Variants in SAMD3 observed in about 807,000 individuals in gnomAD.
The protein encoded by SAMD3 is sterile alpha motif domain-containing protein 3.
SAMD3 carries 63 observed loss-of-function variants against 58.5 expected under a neutral mutation model. The ratio of observed to expected loss-of-function variants is 1.08; its 90% confidence interval spans 0.88 to 1.33. The LOEUF is 1.33. Ranked by LOEUF, SAMD3 falls within the 40% of genes most tolerant of loss-of-function variation. The probability of loss-of-function intolerance (pLI) is 0.00; values close to 1 mark genes in which losing one functional copy is unlikely to be tolerated. For synonymous variants in SAMD3, 220 were observed against 210.3 expected, an observed-to-expected ratio of 1.05 and a Z score of -0.40; for missense variants, 604 against 608.4, an observed-to-expected ratio of 0.99 and a Z score of 0.08.
chr6:130,265,867 A>T (rs548581070), intron 2 of SAMD3, among the ~76,000 whole-genome samples: 57 of 152,366 alleles, frequency 3.7e-4, no homozygotes, highest in African/African-American at 1.4e-3. Context: ...TCTCTTAATT[A>T]AGAAAGAGGC....
chr6:130,322,115 A>G (rs1776605180), intron 1 of SAMD3, among the ~76,000 whole-genome samples: 1 of 152,230 alleles, frequency 6.6e-6, no homozygotes, highest in African/African-American at 2.4e-5. Context: ...TGAGGGTTTA[A>G]CTGAGCCATC....
chr6:130,340,374 C>T (rs893439219), intron 1 of SAMD3, among the ~76,000 whole-genome samples: 9 of 152,132 alleles, frequency 5.9e-5, no homozygotes, highest in Admixed American at 2.6e-4. Flanking sequence ...TCGAATTTTT[C>T]TCTGATTTTG....
chr6:130,267,200 T>C (rs914981921), intron 2 of SAMD3, among the ~76,000 whole-genome samples: 1 of 152,196 alleles, frequency 6.6e-6, no homozygotes, highest in Non-Finnish European at 1.5e-5. Flanking sequence ...CATGTGCCCG[T>C]GCAAGTGTGG....
intron 2 of SAMD3, among the ~76,000 whole-genome samples, chr6:130,228,612 G>C (rs1796452436): frequency 1.3e-5 from 2 of 152,168 alleles, no homozygotes; most frequent in African/African-American, 4.8e-5. Context: ...TGCAGTCAGG[G>C]CTGGGAGCCG....
intron 7 of SAMD3, among the ~76,000 whole-genome samples, chr6:130,178,784 G>A (rs1435052170): frequency 6.6e-6 from 1 of 152,198 alleles, no homozygotes; most frequent in Non-Finnish European, 1.5e-5. Context: ...GAAGATATTT[G>A]TAAACTAAAG....
intron 2 of SAMD3, among the ~76,000 whole-genome samples, chr6:130,292,367 A>G (rs1471089513): frequency 6.8e-6 from 1 of 147,770 alleles, no homozygotes; most frequent in Non-Finnish European, 1.5e-5. Context: ...GCTCACTGCA[A>G]CCTCCACCTC....
intron 2 of SAMD3, among the ~76,000 whole-genome samples, chr6:130,228,282 A>G (rs917473989): frequency 6.6e-6 from 1 of 152,226 alleles, no homozygotes; most frequent in Non-Finnish European, 1.5e-5. Context: ...TGCTGCAGCT[A>G]GAGCTCCTTC....
chr6:130,211,325 C>A (rs1238045112), intron 4 of SAMD3, among the ~76,000 whole-genome samples: 1 of 144,048 alleles, frequency 6.9e-6, no homozygotes, highest in African/African-American at 2.6e-5. Context: ...ACTCTGTCAC[C>A]TAGGCTGGAG....
chr6:130,360,369 AG>A (rs1235733305), intron 1 of SAMD3, among the ~76,000 whole-genome samples: 1 of 152,244 alleles, frequency 6.6e-6, no homozygotes, highest in Non-Finnish European at 1.5e-5. Flanking sequence ...TGAGAAATAA[AG>A]GGACAGAGCA....
chr6:130,169,531 T>C lies in SAMD3; in HGVS notation c.822+6310A>G, dbSNP rs529143816. Among the ~76,000 whole-genome samples, 44 of 152,340 alleles carry C rather than the reference T, an allele frequency of 2.9e-4. No individual in the cohort carries two copies. In the South Asian group the frequency reaches 8.3e-3, roughly 29 times the overall value. ...AATGACCACCCTATCGTCTCTTTTT[T>C]AGCCTTAGCTGGCAGGAAGGTCAAA... On this transcript the variant is annotated intron_variant, in intron 8 of 11. Transcript: ENST00000439090.
chr6:130,186,428 C>T (rs982897069), intron 5 of SAMD3, among the ~76,000 whole-genome samples: 1 of 152,094 alleles, frequency 6.6e-6, no homozygotes, highest in African/African-American at 2.4e-5. Flanking sequence ...CTTTGGCGGT[C>T]CCTACTATAT....
intron 8 of SAMD3, among the ~76,000 whole-genome samples, chr6:130,172,677 A>G (rs1791358198): frequency 6.6e-6 from 1 of 152,010 alleles, no homozygotes. Flanking sequence ...TCTGACAATC[A>G]TGTGTTTTGG....
At chr6:130,321,603 T>C (rs78454862) in intron 1 of SAMD3, among the ~76,000 whole-genome samples, 138 of 152,338 alleles carry the variant, frequency 9.1e-4, no homozygotes, top group African/African-American at 3.2e-3. Flanking sequence ...CCAGTACTCA[T>C]TGTCCTCTTA....
intron 1 of SAMD3, among the ~76,000 whole-genome samples, chr6:130,321,854 T>C (rs926833215): frequency 6.6e-6 from 1 of 152,162 alleles, no homozygotes; most frequent in African/African-American, 2.4e-5. Flanking sequence ...TTTAGCTAGA[T>C]ATATTCTACA....
chr6:130,312,692 T>C (rs1436266475), intron 2 of SAMD3, among the ~76,000 whole-genome samples: 1 of 152,248 alleles, frequency 6.6e-6, no homozygotes, highest in Non-Finnish European at 1.5e-5. Flanking sequence ...ACTTTTTTTC[T>C]TTTAAAATCA....
intron 1 of SAMD3, among the ~76,000 whole-genome samples, chr6:130,350,840 A>T (rs1777633276): frequency 6.6e-6 from 1 of 152,336 alleles, no homozygotes; most frequent in East Asian, 1.9e-4. Context: ...ACAAGGCTAC[A>T]GTAACCAAAA....
At chr6:130,202,120 A>G (rs1240177581) in intron 5 of SAMD3, among the ~76,000 whole-genome samples, 1 of 152,208 alleles carries the variant, frequency 6.6e-6, no homozygotes, top group African/African-American at 2.4e-5. Context: ...CTCTCTAAAG[A>G]CTTAATAATA....
At chr6:130,219,565 A>G (rs1796136227) in intron 1 of SAMD3, among the ~76,000 whole-genome samples, 1 of 152,186 alleles carries the variant, frequency 6.6e-6, no homozygotes, top group Non-Finnish European at 1.5e-5. Context: ...GCTCCCACTT[A>G]TGAATGAGAA....
intron 5 of SAMD3, among the ~76,000 whole-genome samples, chr6:130,204,765 CTTTT>C (rs112982780): frequency 4.7e-5 from 6 of 126,688 alleles, no homozygotes; most frequent in Admixed American, 8.1e-5. Flanking sequence ...ATTTCCAGGC[CTTTT>C]TTTTTTTTTT....
Sources: gnomAD v4.1 joint callset for allele counts (sites outside exome capture counted in the v4.1 genomes callset) on GRCh38, gnomAD v4.1.1 for gene constraint, MANE v1.5 for transcripts, NCBI Gene and HGNC (gene_info 2026-07-23, HGNC 2026-07-21) for gene names.